ANKRD42: variants seen among roughly 807,000 people sequenced by gnomAD.
ANKRD42 encodes the protein ankyrin repeat domain 42, also known as ankyrin repeat domain-containing protein 42.
Under a neutral mutation model 51.5 loss-of-function variants are expected in ANKRD42, and 43 were observed. The ratio of observed to expected loss-of-function variants is 0.83; its 90% CI spans 0.65 to 1.08. The LOEUF is 1.08. Among genes scored for constraint, ANKRD42 ranks in the 50% least tolerant of loss-of-function variants. The pLI is 0.00. For synonymous variants in ANKRD42, 203 were observed against 213.0 expected (o/e 0.95, Z 0.41); for missense variants, 608 against 629.3 (o/e 0.97, Z 0.36).
intron 7 of ANKRD42, among the ~76,000 whole-genome samples, chr11:83,231,420 T>G (rs781455760): frequency 1.5e-4 from 23 of 152,250 alleles, no homozygotes; most frequent in Non-Finnish European, 2.8e-4. Flanking sequence ...TAGTTTTTCC[T>G]ATAGAGTTGT....
chr11:83,211,201 GCCTC>G, intron 4 of ANKRD42, 90 bp from the exon 5 acceptor site: 3 of 1,503,808 alleles, frequency 2.0e-6, no homozygotes, highest in Non-Finnish European at 2.8e-6. Flanking sequence ...ATTAAGAACA[GCCTC>G]CAATTCTTAT....
downstream of ANKRD42, among the ~76,000 whole-genome samples, chr11:83,258,868 A>G (rs935319925): frequency 6.6e-6 from 1 of 151,790 alleles, no homozygotes; most frequent in Non-Finnish European, 1.5e-5. Flanking sequence ...GTCCTTACAT[A>G]CTCTTGCCTG....
At chr11:83,247,864 G>A in intron 10 of ANKRD42, 79 bp from the exon 11 acceptor site, 1 of 1,195,146 alleles carries the variant, frequency 8.4e-7, no homozygotes. Flanking sequence ...TAAATACAAT[G>A]TATGAATGCT....
chr11:83,257,242 G>T (rs1863789541), downstream of ANKRD42: 2 of 451,768 alleles, frequency 4.4e-6, no homozygotes, highest in Non-Finnish European at 8.9e-6. Flanking sequence ...AGGGTCCAGA[G>T]GGTGGGAAGT....
chr11:83,207,228 A>T (rs1360994292), intron 3 of ANKRD42, among the ~76,000 whole-genome samples: 2 of 152,178 alleles, frequency 1.3e-5, no homozygotes, highest in Admixed American at 1.3e-4. Context: ...CACCCCCATG[A>T]TTCAATTACC....
At chr11:83,217,709 G>A (rs536787126) in intron 5 of ANKRD42, among the ~76,000 whole-genome samples, 7 of 152,336 alleles carry the variant, frequency 4.6e-5, no homozygotes, top group Admixed American at 1.3e-4. Context: ...GGGGCAGTGC[G>A]CCTTCCAGTG....
At chr11:83,200,638 T>G (rs1861832431) in intron 2 of ANKRD42, among the ~76,000 whole-genome samples, 1 of 152,208 alleles carries the variant, frequency 6.6e-6, no homozygotes, top group African/African-American at 2.4e-5. Flanking sequence ...CTGCTCCATC[T>G]TTGTCTCCTG....
chr11:83,211,625 A>C (rs1331644972), intron 5 of ANKRD42, among the ~76,000 whole-genome samples, 195 bp downstream of exon 5: 1 of 147,434 alleles, frequency 6.8e-6, no homozygotes. Flanking sequence ...AGTGAGACCC[A>C]CTCTCTACAA....
intron 5 of ANKRD42, among the ~76,000 whole-genome samples, chr11:83,222,199 A>G (rs1427103648): frequency 6.6e-6 from 1 of 152,108 alleles, no homozygotes; most frequent in Non-Finnish European, 1.5e-5. Context: ...TCAGTGCTGT[A>G]TATTTGTTTT....
chr11:83,212,832 A>G (rs895880862), intron 5 of ANKRD42: 3 of 1,439,152 alleles, frequency 2.1e-6, no homozygotes, highest in Admixed American at 2.8e-5. Context: ...GTCTTTTGGT[A>G]TGAACTCTTT....
At chr11:83,264,096 G>A (rs574331230), downstream of ANKRD42, among the ~76,000 whole-genome samples, 20 of 152,220 alleles carry the variant, frequency 1.3e-4, no homozygotes, top group Middle Eastern at 3.4e-3. Flanking sequence ...ACCAAGATAT[G>A]TGTGTGTGTA....
At chr11:83,208,337 AAG>A (rs1320019454) in intron 3 of ANKRD42, among the ~76,000 whole-genome samples, 2 of 151,892 alleles carry the variant, frequency 1.3e-5, no homozygotes, top group African/African-American at 2.4e-5. Context: ...TGGCTGAGAA[AAG>A]AGAGTTTTTA....
In ANKRD42 at chr11:83,240,941, A is replaced by G. The variant is rs1863367334; in HGVS notation, c.1195+7A>G. The G allele has an allele frequency of 6.2e-7, 1 of 1,608,122 alleles. No individual in the cohort carries two copies. Among genetic ancestry groups the G allele is most frequent in the African/African-American group, 1.3e-5 (1 of 74,638 alleles). ...GATAAAACAGATGCCAGAAGTAAGT[A>G]TGCTGCCTCTGTTGTGATTTATCCT... is the stretch of plus-strand genomic sequence containing the variant. On this transcript the variant is annotated splice_region_variant and intron_variant, in intron 9 of 10. Coordinates refer to ENST00000533342, the MANE Select transcript of ANKRD42 (RefSeq NM_001300975.2).
chr11:83,232,577 C>A (rs1863105215), intron 7 of ANKRD42, among the ~76,000 whole-genome samples: 1 of 152,058 alleles, frequency 6.6e-6, no homozygotes, highest in East Asian at 1.9e-4. Context: ...AATTTGGATG[C>A]CCTTTGTTTC....
At chr11:83,220,550 C>T (rs1354955972) in intron 5 of ANKRD42, among the ~76,000 whole-genome samples, 1 of 152,092 alleles carries the variant, frequency 6.6e-6, no homozygotes. Context: ...AAGCTATAGG[C>T]TTTATTGAGC....
chr11:83,251,233 C>T (rs1196681523), downstream of ANKRD42, among the ~76,000 whole-genome samples: 2 of 152,100 alleles, frequency 1.3e-5, no homozygotes, highest in African/African-American at 4.8e-5. Flanking sequence ...CATTTATCAC[C>T]CCTTTCCTAG....
chr11:83,211,942 G>A (rs553363312), intron 5 of ANKRD42, among the ~76,000 whole-genome samples: 2 of 151,908 alleles, frequency 1.3e-5, no homozygotes, highest in Non-Finnish European at 2.9e-5. Context: ...TTTTTTTCTG[G>A]AACCATATCA....
At chr11:83,219,293 A>G (rs1237350632) in intron 5 of ANKRD42, among the ~76,000 whole-genome samples, 1 of 152,200 alleles carries the variant, frequency 6.6e-6, no homozygotes, top group Non-Finnish European at 1.5e-5. Context: ...CCTGTTGACC[A>G]CTAAGTGGGG....
chr11:83,221,644 G>A (rs956732939), intron 5 of ANKRD42, among the ~76,000 whole-genome samples: 1 of 152,144 alleles, frequency 6.6e-6, no homozygotes, highest in Non-Finnish European at 1.5e-5. Flanking sequence ...CTTGACTCTA[G>A]TAAATAAGCC....
Sources: gnomAD v4.1 joint callset for allele counts (sites outside exome capture counted in the v4.1 genomes callset) on GRCh38, gnomAD v4.1.1 for gene constraint, MANE v1.5 for transcripts, NCBI Gene and HGNC (gene_info 2026-07-23, HGNC 2026-07-21) for gene names.